PIEZO2: variants seen among roughly 807,000 people sequenced by gnomAD.
PIEZO2 encodes the protein piezo type mechanosensitive ion channel component 2.
A neutral mutation model predicts 337.3 loss-of-function variants in PIEZO2; 172 were observed. The observed-to-expected ratio is 0.51, with a 90% CI of 0.45 to 0.58. The LOEUF (loss-of-function observed/expected upper bound fraction) is 0.58. Ranked by LOEUF, PIEZO2 falls within the 20% of genes least tolerant of loss-of-function variation. PIEZO2 has a pLI of 0.00. For synonymous variants in PIEZO2, 1,251 were observed against 1,228.5 expected, an observed-to-expected ratio of 1.02 and a Z score of -0.38; for missense variants, 3,028 against 3,391.3, an observed-to-expected ratio of 0.89 and a Z score of 2.66.
At position 10,705,522 on chromosome 18, in the gene PIEZO2, A is replaced by G; in HGVS notation, c.5813T>C (p.Val1938Ala). Residue 1938 changes from valine to alanine, a missense_variant, in exon 41 of 56, where the codon GTG becomes GCG. Around this residue, in one of 5 missense-constraint regions of PIEZO2, gnomAD observed 1,925 missense variants for 2,051.9 expected, o/e 0.94. Transcript: ENST00000674853. ...CTTGCTGTAGGAGGGTGGGGCCTCC[A>G]CATCCCCGTCCAAGGTGGAGAACTG... ...LTQFSTLDGDVEAPPSYSKAV... is the reference protein window; with the variant it reads ...LTQFSTLDGDAEAPPSYSKAV... 1.3e-6 allele frequency: 2 copies of G among 1,537,230 alleles called. No individual in the cohort carries two copies. Among genetic ancestry groups the G allele is most frequent in the South Asian group, 1.2e-5 (1 of 84,056 alleles).
chr18:11,134,794 T>C (rs1241586709), intron 1 of PIEZO2, among the ~76,000 whole-genome samples: 1 of 151,922 alleles, frequency 6.6e-6, no homozygotes, highest in Non-Finnish European at 1.5e-5. Flanking sequence ...AATTACTGAA[T>C]AAATAAAATA....
intron 7 of PIEZO2, among the ~76,000 whole-genome samples, chr18:10,822,396 T>G (rs1159070606): frequency 6.6e-6 from 1 of 152,198 alleles, no homozygotes; most frequent in African/African-American, 2.4e-5. Context: ...TTATAATCAA[T>G]GATAGTAATT....
intron 2 of PIEZO2, among the ~76,000 whole-genome samples, chr18:10,992,110 T>A (rs143437021): frequency 2.6e-5 from 4 of 152,260 alleles, no homozygotes; most frequent in African/African-American, 7.2e-5. Context: ...GTTTAAGCTC[T>A]TTGTAGATTC....
chr18:11,149,039 T>C lies in PIEZO2; in HGVS notation c.-451A>G, dbSNP rs1599034789. Among the ~76,000 whole-genome samples the C allele has an allele frequency of 6.7e-6, 1 of 148,368 alleles. No individual in the cohort carries two copies. Among genetic ancestry groups the C allele is most frequent in the African/African-American group, 2.5e-5 (1 of 39,866 alleles). On this transcript the variant is annotated 5_prime_UTR_variant, in exon 1 of 56. Transcript: ENST00000674853. The surrounding 1 kb of genome is among the most constrained non-coding windows in gnomAD (Gnocchi z 8.7). Reference sequence around the variant, plus strand: ...GCGTCGTTTGGGGGCGGCCGGGGAGTTTTCTACTTGGAAGCCCCTCTGAAG... The same window carrying C: ...GCGTCGTTTGGGGGCGGCCGGGGAGCTTTCTACTTGGAAGCCCCTCTGAAG...
chr18:11,146,443 C>G lies in PIEZO2; in HGVS notation c.64+2082G>C, dbSNP rs544798556. 7.9e-5 allele frequency among the ~76,000 whole-genome samples: 12 copies of G among 152,294 alleles called. No individual in the cohort carries two copies. The East Asian group carries it at 2.3e-3, about 29-fold the overall frequency. ...GGCTGAATCCAGACCCCAGTCCCCC[C>G]ACCTCCACCCTGGCTGCGAGTCACC... On this transcript the variant is annotated intron_variant, in intron 1 of 55. Transcript: ENST00000674853. The surrounding 1 kb of genome is among the most constrained non-coding windows in gnomAD (Gnocchi z 6.1).
chr18:11,080,040 A>C lies in PIEZO2; in HGVS notation c.65-13818T>G, dbSNP rs564328910. 1.3e-5 allele frequency among the ~76,000 whole-genome samples: 2 copies of C among 152,298 alleles called. No individual in the cohort carries two copies. Among genetic ancestry groups the C allele is most frequent in the South Asian group, 4.1e-4 (2 of 4,826 alleles). Reference sequence around the variant, plus strand: ...AGTTAAGGCTCAGAAGGATGCACACACTGTCCAGTGTCAAGGAAAAACTGG... The same window carrying C: ...AGTTAAGGCTCAGAAGGATGCACACCCTGTCCAGTGTCAAGGAAAAACTGG... On this transcript the variant is annotated intron_variant, in intron 1 of 55. Transcript: ENST00000674853. This position sits in a 1 kb window ranked among gnomAD's most constrained non-coding sequence, Gnocchi z 5.4.
intron 28 of PIEZO2, among the ~76,000 whole-genome samples, chr18:10,751,154 G>A (rs929553689): frequency 1.2e-4 from 18 of 152,124 alleles, no homozygotes; most frequent in Admixed American, 2.6e-4. Context: ...TTATAAGTAG[G>A]TCTAACTTCC....
intron 3 of PIEZO2, among the ~76,000 whole-genome samples, chr18:10,977,024 T>TGTGTGG: frequency 6.6e-6 from 1 of 151,600 alleles, no homozygotes. Context: ...TGTGTGTGTG[T>TGTGTGG]GTGTGTGTGT....
In PIEZO2 at chr18:10,726,580, C is replaced by T; in HGVS notation, c.5029+4827G>A. On this transcript the variant is annotated intron_variant, in intron 36 of 55. Transcript: ENST00000674853. This position sits in a 1 kb window ranked among gnomAD's most constrained non-coding sequence, Gnocchi z 5.9. ...CGCTGTGCGTCTGTCCTTCCGCCAGCTCTTCCAGGACCTGGCGCGCTACGT... is the reference window on the plus strand; with the variant it reads ...CGCTGTGCGTCTGTCCTTCCGCCAGTTCTTCCAGGACCTGGCGCGCTACGT... The T allele has an allele frequency of 2.1e-6, 3 of 1,399,660 alleles. No homozygotes were observed. In the South Asian group the frequency reaches 4.3e-5, roughly 20 times the overall value. The allele number at this position is 1,399,660 out of a possible 1,614,324, so 86.7% of individuals were successfully genotyped here.
intron 49 of PIEZO2, among the ~76,000 whole-genome samples, chr18:10,688,522 TG>T (rs1240248082): frequency 2.3e-4 from 35 of 152,284 alleles, no homozygotes; most frequent in African/African-American, 8.2e-4. Context: ...CCCCTGTGTG[TG>T]ATCCTTTGCA....
At chr18:11,025,939 C>G (rs1481166584) in intron 2 of PIEZO2, among the ~76,000 whole-genome samples, 1 of 152,128 alleles carries the variant, frequency 6.6e-6, no homozygotes, top group African/African-American at 2.4e-5. Flanking sequence ...CAGCAGCAAG[C>G]CCCAGGAATC....
chr18:11,129,227 TGCA>T lies in PIEZO2; in HGVS notation c.64+19295_64+19297del. ...GAAACAGATTTGTGAGGGCAGCACC[TGCA>T]TCTTTGGAACCACAGTCACTCAACT... is the stretch of plus-strand genomic sequence containing the variant. On this transcript the variant is annotated intron_variant, in intron 1 of 55. Coordinates refer to ENST00000674853, the MANE Select transcript of PIEZO2 (RefSeq NM_001378183.1). The surrounding 1 kb of genome is among the most constrained non-coding windows in gnomAD (Gnocchi z 4.6). Among the ~76,000 whole-genome samples the T allele has an allele frequency of 1.3e-5, 2 of 152,136 alleles. No individual in the cohort carries two copies. The highest frequency in any genetic ancestry group is 2.1e-4 in the South Asian group (1 of 4,830).
chr18:10,959,552 A>G (rs2033677304), intron 3 of PIEZO2, among the ~76,000 whole-genome samples: 1 of 152,206 alleles, frequency 6.6e-6, no homozygotes, highest in Non-Finnish European at 1.5e-5. Context: ...TTGATTGTGT[A>G]GACTCTGCAT....
At chr18:10,797,834 C>T (rs1457459091) in intron 11 of PIEZO2, among the ~76,000 whole-genome samples, 1 of 152,160 alleles carries the variant, frequency 6.6e-6, no homozygotes, top group Admixed American at 6.5e-5. Flanking sequence ...GCCCTCTCCT[C>T]GAGTGTGGGT....
chr18:10,868,598 TAATA>T (rs1267028234), intron 5 of PIEZO2, among the ~76,000 whole-genome samples: 7 of 152,376 alleles, frequency 4.6e-5, no homozygotes, highest in African/African-American at 1.2e-4. Context: ...TCAATGTCCC[TAATA>T]AATAATGTTT....
In PIEZO2 at chr18:10,682,792, C is replaced by T. The variant is rs570488580; in HGVS notation, c.7498-500G>A. On this transcript the variant is annotated intron_variant, in intron 49 of 55. Coordinates refer to ENST00000674853, the MANE Select transcript of PIEZO2 (RefSeq NM_001378183.1). This position sits in a 1 kb window ranked among gnomAD's most constrained non-coding sequence, Gnocchi z 5.6. The stretch of plus-strand genomic sequence containing the variant: ...ACGTGTTGTTAAAGACAATGTTGTT[C>T]GACACCTAAGGTAAGATTTGTATGA... Among the ~76,000 whole-genome samples, 22 of 80,824 alleles carry T rather than the reference C, an allele frequency of 2.7e-4. No individual in the cohort carries two copies. Among genetic ancestry groups the T allele is most frequent in the East Asian group, 2.6e-3 (5 of 1,906 alleles). The allele number at this position is 80,824 out of a possible 152,430, so 53.0% of individuals were successfully genotyped here.
intron 1 of PIEZO2, among the ~76,000 whole-genome samples, chr18:11,130,049 C>T (rs1393005348): frequency 6.6e-6 from 1 of 152,230 alleles, no homozygotes; most frequent in East Asian, 1.9e-4. Flanking sequence ...GAAGCCATTA[C>T]AGCTGCCACT....
At chr18:10,761,205 T>G in intron 23 of PIEZO2, 94 bp from the exon 24 acceptor site, 1 of 1,141,312 alleles carries the variant, frequency 8.8e-7, no homozygotes, top group Non-Finnish European at 1.2e-6. Flanking sequence ...ACAAGGACAA[T>G]GTTTTATAAA....
In PIEZO2 at chr18:10,696,096, T is replaced by C. The variant is rs2035069170; in HGVS notation, c.7168A>G (p.Ile2390Val). 5.0e-6 allele frequency: 8 copies of C among 1,614,074 alleles called. No homozygotes were observed. Among genetic ancestry groups the C allele is most frequent in the East Asian group, 2.2e-5 (1 of 44,866 alleles). ...VFGIHFWMFFILPGVTERKFS... is the reference protein window; with the variant it reads ...VFGIHFWMFFVLPGVTERKFS... ...TACCTCTCAGTCACACCAGGTAAGA[T>C]GAAGAACATCCAGAAGTGAATTCCG... is the stretch of plus-strand genomic sequence containing the variant. The change falls in exon 47 of 56, where the codon ATC becomes GTC. Residue 2390 changes from isoleucine (I) to valine (V), a missense_variant. Transcript: ENST00000674853.
Sources: allele counts gnomAD v4.1 joint callset (sites outside exome capture counted in the v4.1 genomes callset), GRCh38; gene constraint gnomAD v4.1.1; regional missense constraint gnomAD v4.1.1; non-coding constraint Gnocchi (gnomAD v3.1); transcripts MANE v1.5; gene names NCBI Gene and HGNC (gene_info 2026-07-23, HGNC 2026-07-21).